Variants in SGPP2 observed in about 807,000 individuals in gnomAD.
SGPP2 encodes the protein sphingosine-1-phosphate phosphatase 2, also known as sphingosine 1-phosphate phosphohydrolase 2.
In SGPP2, 30 loss-of-function variants were observed where a neutral mutation model predicts 33.9. The observed-to-expected ratio is 0.89, with a 90% CI of 0.66 to 1.20. The LOEUF (loss-of-function observed/expected upper bound fraction) is 1.20, where lower values mean the gene tolerates loss of function less well. Among genes scored for constraint, SGPP2 ranks in the 50% most tolerant of loss-of-function variants. SGPP2 has a pLI of 0.00. For missense variants in SGPP2, 458 were observed against 532.1 expected (o/e 0.86, Z 1.37); for synonymous variants, 233 against 225.0 (o/e 1.04, Z -0.32).
At chr2:222,504,314 G>A (rs564896191) in intron 2 of SGPP2, 5 of 152,256 alleles carry the variant, frequency 3.3e-5, no homozygotes, top group African/African-American at 1.2e-4. Context: ...GATCTGTGGG[G>A]AGCAGTGATG....
chr2:222,491,884 A>G (rs923765072), intron 2 of SGPP2, among the ~76,000 whole-genome samples: 2 of 152,226 alleles, frequency 1.3e-5, no homozygotes, highest in Non-Finnish European at 2.9e-5. Flanking sequence ...CCAAGATACA[A>G]TGGGGGTACA....
At position 222,476,324 on chromosome 2, in the gene SGPP2, C is replaced by T. The variant is rs567104972; in HGVS notation, c.378+1598C>T. ...GGGCCAGGGTGAGGGGTGGCAAGGG[C>T]GGGGTATCCACACAAATTCTTCACC... On this transcript the variant is annotated intron_variant, in intron 2 of 4. Transcript: ENST00000321276. This position sits in a 1 kb window ranked among gnomAD's most constrained non-coding sequence, Gnocchi z 4.3. Among the ~76,000 whole-genome samples, 2 of 151,968 alleles carry T rather than the reference C, an allele frequency of 1.3e-5. No individual in the cohort carries two copies. Among genetic ancestry groups the T allele is most frequent in the African/African-American group, 4.8e-5 (2 of 41,348 alleles).
At chr2:222,547,945 A>C (rs1321509061) in intron 4 of SGPP2, among the ~76,000 whole-genome samples, 4 of 152,220 alleles carry the variant, frequency 2.6e-5, no homozygotes, top group Non-Finnish European at 1.5e-5. Flanking sequence ...TTAATGAAGG[A>C]ACTAGTAAGT....
intron 3 of SGPP2, among the ~76,000 whole-genome samples, chr2:222,523,487 G>A (rs1698715898): frequency 6.6e-6 from 1 of 152,140 alleles, no homozygotes; most frequent in Admixed American, 6.5e-5. Context: ...GAGGCTCGCA[G>A]CAGGAAAACC....
rs540874252 is a variant in SGPP2, at chr2:222,432,267, G to A, written c.219+7446G>A. Among the ~76,000 whole-genome samples the A allele has an allele frequency of 5.3e-5, 8 of 152,266 alleles. 1 individual carries two copies. In the East Asian group the frequency reaches 5.8e-4, roughly 11 times the overall value. ...TTAGATTCAAGCAGCAACAAATGTA[G>A]GACTCACATGAAATCAAACCTTAAT... is the stretch of plus-strand genomic sequence containing the variant. On this transcript the variant is annotated intron_variant, in intron 1 of 4. Coordinates refer to ENST00000321276, the MANE Select transcript of SGPP2 (RefSeq NM_152386.4).
chr2:222,447,968 TCCAA>T (rs1381725709), intron 1 of SGPP2, among the ~76,000 whole-genome samples: 1 of 152,186 alleles, frequency 6.6e-6, no homozygotes, highest in Non-Finnish European at 1.5e-5. Flanking sequence ...GAGGTGTATC[TCCAA>T]CACCACGAAG....
intron 1 of SGPP2, among the ~76,000 whole-genome samples, chr2:222,432,822 G>T (rs889973677): frequency 1.3e-5 from 2 of 152,082 alleles, no homozygotes; most frequent in Admixed American, 1.3e-4. Context: ...AGGAGTTCGA[G>T]GCCAGACTGA....
At chr2:222,425,198 C>T (rs527356392) in intron 1 of SGPP2, among the ~76,000 whole-genome samples, 1 of 152,152 alleles carries the variant, frequency 6.6e-6, no homozygotes, top group Non-Finnish European at 1.5e-5. Flanking sequence ...GACTCCCCCC[C>T]ACCCCCGTAT....
At chr2:222,483,692 G>T (rs1698063639) in intron 2 of SGPP2, among the ~76,000 whole-genome samples, 1 of 152,162 alleles carries the variant, frequency 6.6e-6, no homozygotes, top group South Asian at 2.1e-4. Context: ...GTCTCATAAG[G>T]GAGTCTGTCA....
chr2:222,542,971 C>A (rs1030081464), intron 4 of SGPP2, among the ~76,000 whole-genome samples: 3 of 152,018 alleles, frequency 2.0e-5, no homozygotes, highest in South Asian at 2.1e-4. Context: ...TATTATTACT[C>A]ATAGAGATGA....
chr2:222,495,183 G>A (rs962042528), intron 2 of SGPP2, among the ~76,000 whole-genome samples: 100 of 152,318 alleles, frequency 6.6e-4, no homozygotes, highest in African/African-American at 2.4e-3. Context: ...GGAGGCTGAG[G>A]TGGGAGGATT....
In SGPP2 at chr2:222,424,668, G is replaced by T; in HGVS notation, c.66G>T (p.Gly22=). The change falls in exon 1 of 5, where the codon GGG becomes GGT. Residue 22 remains glycine, a synonymous_variant. Coordinates refer to ENST00000321276, the MANE Select transcript of SGPP2 (RefSeq NM_152386.4). ...TCGCCCGCTTCCAGCGCCGCTGCGG[G>T]CTCTTCCCCGCTCCGGATGAAGGCC... ...QLVARFQRRC[G]LFPAPDEGPR... is the part of the protein sequence containing the mutation. 1 of 1,443,716 alleles carries T rather than the reference G, an allele frequency of 6.9e-7. No homozygotes were observed. 89.4% of individuals were successfully genotyped at this position (1,443,716 alleles called of 1,614,324 possible).
At chr2:222,533,128 A>G (rs1399965407) in intron 4 of SGPP2, among the ~76,000 whole-genome samples, 1 of 151,432 alleles carries the variant, frequency 6.6e-6, no homozygotes, top group Non-Finnish European at 1.5e-5. Context: ...AGGAAAAGAC[A>G]GAGAGAAAGA....
chr2:222,428,652 A>C (rs1183530482), intron 1 of SGPP2, among the ~76,000 whole-genome samples: 1 of 152,168 alleles, frequency 6.6e-6, no homozygotes, highest in Admixed American at 6.5e-5. Flanking sequence ...TTGGTGTGCT[A>C]AAGTACAAAT....
intron 4 of SGPP2, among the ~76,000 whole-genome samples, chr2:222,540,407 G>A (rs1698974167): frequency 1.3e-5 from 2 of 152,100 alleles, no homozygotes; most frequent in Non-Finnish European, 1.5e-5. Flanking sequence ...TTCAGATTTG[G>A]GATGCTGAAC....
intron 2 of SGPP2, 141 bp from the exon 3 acceptor site, chr2:222,521,626 G>T: frequency 1.2e-6 from 1 of 810,798 alleles, no homozygotes; most frequent in Non-Finnish European, 1.9e-6. Flanking sequence ...TATCCTACAA[G>T]ACTTTGCCAA....
intron 1 of SGPP2, among the ~76,000 whole-genome samples, chr2:222,443,534 G>A (rs920953427): frequency 5.9e-5 from 9 of 152,182 alleles, no homozygotes; most frequent in African/African-American, 1.4e-4. Flanking sequence ...AGGGGCTACC[G>A]TAGAGAAAAG....
intron 4 of SGPP2, among the ~76,000 whole-genome samples, chr2:222,556,281 T>C (rs1009323432): frequency 7.9e-5 from 12 of 151,938 alleles, no homozygotes; most frequent in Admixed American, 7.9e-4. Context: ...TGCATATTCA[T>C]ACACCCAAGA....
chr2:222,456,680 C>T (rs534563890), intron 1 of SGPP2, among the ~76,000 whole-genome samples: 51 of 152,312 alleles, frequency 3.3e-4, no homozygotes, highest in Middle Eastern at 6.8e-3. Context: ...TAAGCATCTT[C>T]TGGGGTAGAA....
Sources: gnomAD v4.1 joint callset for allele counts (sites outside exome capture counted in the v4.1 genomes callset) on GRCh38, gnomAD v4.1.1 for gene constraint, Gnocchi (gnomAD v3.1) non-coding constraint, MANE v1.5 for transcripts, NCBI Gene and HGNC (gene_info 2026-07-23, HGNC 2026-07-21) for gene names.